STIM1: variants seen among roughly 807,000 people sequenced by gnomAD.
STIM1 encodes stromal interaction molecule 1.
In STIM1, 25 loss-of-function variants were observed where a neutral mutation model predicts 74.7. The observed-to-expected ratio is 0.33, with a 90% CI of 0.24 to 0.47. The LOEUF is 0.47. Ranked by LOEUF, STIM1 falls within the 20% of genes least tolerant of loss-of-function variation. The pLI is 1.00. For synonymous variants in STIM1, 328 were observed against 348.8 expected (o/e 0.94, Z 0.66); for missense variants, 728 against 920.8 (o/e 0.79, Z 2.71).
At chr11:3,900,339 T>C (rs4488188) in intron 1 of STIM1, among the ~76,000 whole-genome samples, 52,331 of 151,952 alleles carry the variant, frequency 0.34, 9,207 homozygotes, top group South Asian at 0.48. Context: ...CCGTCTGTCG[T>C]CCCTTTCTTT....
chr11:3,860,537 G>A (rs149430330), intron 1 of STIM1, among the ~76,000 whole-genome samples: 329 of 152,358 alleles, frequency 2.2e-3, no homozygotes, highest in African/African-American at 7.3e-3. Context: ...GCCCAGAGGA[G>A]TAAGTGACTA....
intron 2 of STIM1, among the ~76,000 whole-genome samples, chr11:4,010,075 A>G (rs1057237002): frequency 1.3e-5 from 2 of 152,130 alleles, no homozygotes; most frequent in African/African-American, 2.4e-5. Context: ...TCGGCCTCCC[A>G]AAGTGCTGGG....
chr11:3,990,836 G>A (rs958021540), intron 2 of STIM1, among the ~76,000 whole-genome samples: 71 of 151,540 alleles, frequency 4.7e-4, no homozygotes, highest in African/African-American at 1.3e-3. Flanking sequence ...TTATATTCAC[G>A]GGGTACATGT....
In STIM1 at chr11:4,011,210, T is replaced by A. The variant is rs570889059; in HGVS notation, c.271-12663T>A. On this transcript the variant is annotated intron_variant, in intron 2 of 12. Transcript: ENST00000526596. Reference sequence around the variant, plus strand: ...GCATGTGTCTTTATAGTATCATGATTTATAATCCTTTGGGTATATACGCAG... The same window carrying A: ...GCATGTGTCTTTATAGTATCATGATATATAATCCTTTGGGTATATACGCAG... Among the ~76,000 whole-genome samples, 11 of 152,328 alleles carry A rather than the reference T, an allele frequency of 7.2e-5. No homozygotes were observed. The South Asian group carries it at 2.3e-3, about 32-fold the overall frequency.
At chr11:4,078,908 A>C (rs2094450814) in intron 7 of STIM1, among the ~76,000 whole-genome samples, 1 of 152,118 alleles carries the variant, frequency 6.6e-6, no homozygotes, top group African/African-American at 2.4e-5. Flanking sequence ...AGGACCTCAA[A>C]GAACATTTTG....
At chr11:3,925,548 C>T (rs1172681643) in intron 1 of STIM1, among the ~76,000 whole-genome samples, 1 of 152,164 alleles carries the variant, frequency 6.6e-6, no homozygotes, top group Non-Finnish European at 1.5e-5. Flanking sequence ...CTTCTTAGCA[C>T]TGGATTGAAT....
Position 4,063,622 on chromosome 11 carries a change from T to C in STIM1, c.613+4226T>C, listed in dbSNP as rs565749583. Among the ~76,000 whole-genome samples the C allele has an allele frequency of 7.2e-5, 11 of 152,362 alleles. No individual in the cohort carries two copies. In the East Asian group the frequency reaches 2.1e-3, roughly 29 times the overall value. ...CACTTTATTGCTATATTAGCTTTAT[T>C]GCAGTGGCCTCAAACTGAACTTGCA... On this transcript the variant is annotated intron_variant, in intron 5 of 12. Transcript: ENST00000526596.
At chr11:4,002,559 AC>A (rs1161795471) in intron 2 of STIM1, among the ~76,000 whole-genome samples, 2 of 149,268 alleles carry the variant, frequency 1.3e-5, no homozygotes, top group Non-Finnish European at 3.0e-5. Flanking sequence ...GACACAACAT[AC>A]CAGAATCTCT....
At chr11:3,971,056 G>T (rs2093388085) in intron 2 of STIM1, among the ~76,000 whole-genome samples, 1 of 152,160 alleles carries the variant, frequency 6.6e-6, no homozygotes, top group African/African-American at 2.4e-5. Context: ...TGCACAGTGA[G>T]ATTGAATATT....
intron 1 of STIM1, among the ~76,000 whole-genome samples, chr11:3,869,703 C>T (rs1445615182): frequency 6.6e-6 from 1 of 152,154 alleles, no homozygotes; most frequent in Admixed American, 6.5e-5. Flanking sequence ...ATAAATAGTC[C>T]TTGCACGTTT....
intron 7 of STIM1, among the ~76,000 whole-genome samples, chr11:4,080,774 T>G (rs1378488728): frequency 6.6e-6 from 1 of 152,138 alleles, no homozygotes; most frequent in Non-Finnish European, 1.5e-5. Flanking sequence ...CTCCCAACAG[T>G]TTTTGAGCCT....
intron 2 of STIM1, among the ~76,000 whole-genome samples, chr11:4,010,865 C>T (rs576741727): frequency 3.9e-5 from 6 of 152,096 alleles, no homozygotes; most frequent in Non-Finnish European, 7.4e-5. Flanking sequence ...GCTATCCCTC[C>T]CCCAGCCCCC....
chr11:4,079,516 G>A (rs1200061641), intron 7 of STIM1, among the ~76,000 whole-genome samples: 1 of 151,804 alleles, frequency 6.6e-6, no homozygotes, highest in Non-Finnish European at 1.5e-5. Context: ...AGAAGTTGCA[G>A]TGAGCCGAGA....
At chr11:3,973,546 C>T (rs530650765) in intron 2 of STIM1, 24 of 216,300 alleles carry the variant, frequency 1.1e-4, no homozygotes, top group South Asian at 7.6e-4. Context: ...ACTACAGGCG[C>T]GCACCACTGC....
At chr11:3,973,201 T>C (rs1250188321) in intron 2 of STIM1, 2 of 444,616 alleles carry the variant, frequency 4.5e-6, no homozygotes, top group Non-Finnish European at 8.8e-6. Flanking sequence ...ACCACCAGCA[T>C]GGCTGCTACC....
chr11:3,977,414 A>T (rs1406662404), intron 2 of STIM1, among the ~76,000 whole-genome samples: 2 of 152,214 alleles, frequency 1.3e-5, no homozygotes, highest in African/African-American at 4.8e-5. Flanking sequence ...AGTATAACAC[A>T]GGGTTATGAG....
intron 1 of STIM1, among the ~76,000 whole-genome samples, chr11:3,908,566 C>G (rs568162812): frequency 1.3e-5 from 2 of 148,754 alleles, no homozygotes; most frequent in African/African-American, 5.0e-5. Context: ...AAGCTGAGAT[C>G]GAGCCACTGC....
intron 1 of STIM1, among the ~76,000 whole-genome samples, chr11:3,939,268 T>A (rs375527168): frequency 6.6e-6 from 1 of 152,190 alleles, no homozygotes; most frequent in Admixed American, 6.5e-5. Flanking sequence ...CTTCTAAAGA[T>A]CCTTCTGGCT....
upstream of STIM1, chr11:3,855,625 G>C (rs2135164424): frequency 1.6e-5 from 2 of 128,110 alleles, no homozygotes; most frequent in South Asian, 2.9e-4. Flanking sequence ...GCACGCCCCC[G>C]CCCGCCCCGG....
Sources: gnomAD v4.1 joint callset for allele counts (sites outside exome capture counted in the v4.1 genomes callset) on GRCh38, gnomAD v4.1.1 for gene constraint, MANE v1.5 for transcripts, NCBI Gene and HGNC (gene_info 2026-07-23, HGNC 2026-07-21) for gene names.